AGBL1: variants seen among roughly 807,000 people sequenced by gnomAD.
The protein encoded by AGBL1 is cytosolic carboxypeptidase 4.
A neutral mutation model predicts 118.9 loss-of-function variants in AGBL1; 130 were observed. The observed-to-expected ratio is 1.09, with a 90% confidence interval of 0.95 to 1.26. AGBL1 has a LOEUF of 1.26. AGBL1 is among the 50% of genes most tolerant of loss of function. The pLI, the probability that AGBL1 is intolerant of heterozygous loss-of-function variation, is 0.00. For missense variants in AGBL1, 1,584 were observed against 1,298.1 expected, an observed-to-expected ratio of 1.22 and a Z score of -3.38; for synonymous variants, 555 against 478.9, an observed-to-expected ratio of 1.16 and a Z score of -2.08.
intron 22 of AGBL1, among the ~76,000 whole-genome samples, chr15:86,895,909 C>G (rs1480593471): frequency 6.6e-6 from 1 of 151,460 alleles, no homozygotes; most frequent in Non-Finnish European, 1.5e-5. Context: ...CTATTTTTTT[C>G]TGGTTTCTAG....
chr15:86,561,348 AG>A (rs1253771879), intron 21 of AGBL1, among the ~76,000 whole-genome samples: 1 of 152,144 alleles, frequency 6.6e-6, no homozygotes, highest in African/African-American at 2.4e-5. Flanking sequence ...GGTGTAAGGA[AG>A]GGATCCAGTT....
chr15:86,791,444 C>T (rs549027161), intron 22 of AGBL1, among the ~76,000 whole-genome samples: 3 of 152,062 alleles, frequency 2.0e-5, no homozygotes, highest in East Asian at 1.9e-4. Context: ...AGCAGGTGCT[C>T]GGTAAATGCC....
intron 20 of AGBL1, 114 bp downstream of exon 20, chr15:86,546,247 A>G (rs2083580463): frequency 1.7e-6 from 2 of 1,168,184 alleles, no homozygotes; most frequent in Middle Eastern, 2.9e-4. Flanking sequence ...GTAAATAAGC[A>G]TTTTAATTAT....
At chr15:86,134,485 A>G (rs549924350) in intron 1 of AGBL1, among the ~76,000 whole-genome samples, 9 of 150,706 alleles carry the variant, frequency 6.0e-5, no homozygotes, top group Admixed American at 1.3e-4. Flanking sequence ...GTGCGAGGGG[A>G]TGGACTGTTT....
intron 6 of AGBL1, among the ~76,000 whole-genome samples, chr15:86,240,033 TG>T (rs1180969407): frequency 6.6e-6 from 1 of 152,220 alleles, no homozygotes; most frequent in Non-Finnish European, 1.5e-5. Flanking sequence ...GAGGCTACCA[TG>T]GGATATTAAC....
At chr15:86,607,799 T>C (rs79263259) in intron 21 of AGBL1, among the ~76,000 whole-genome samples, 3,989 of 152,310 alleles carry the variant, frequency 0.026, 109 homozygotes, top group East Asian at 0.13. Context: ...CTTTGCTTTT[T>C]TGATTTCTGA....
rs139148216 is a variant in AGBL1 at position 86,924,308 on chromosome 15, G to A, written c.3222-63679G>A. 1.3e-3 allele frequency among the ~76,000 whole-genome samples: 205 copies of A among 152,350 alleles called. 1 individual carries two copies. The highest frequency in any genetic ancestry group is 4.7e-3 in the African/African-American group (196 of 41,580). ...ATGGTCTTATTGGCAAGGACATAGAGAATTTTTAATCCCATTTAGGGTAGA... is the reference window on the plus strand; with the variant it reads ...ATGGTCTTATTGGCAAGGACATAGAAAATTTTTAATCCCATTTAGGGTAGA... On this transcript the variant is annotated intron_variant, in intron 23 of 24. Transcript: ENST00000441037.
At chr15:87,013,069 ATT>A (rs2081576976) in intron 24 of AGBL1, among the ~76,000 whole-genome samples, 2 of 152,184 alleles carry the variant, frequency 1.3e-5, no homozygotes, top group Admixed American at 6.5e-5. Flanking sequence ...TGTAGCCTGA[ATT>A]AGTTTAACAT....
chr15:86,171,192 A>G (rs1002559802), intron 5 of AGBL1, among the ~76,000 whole-genome samples: 7 of 152,250 alleles, frequency 4.6e-5, no homozygotes, highest in Non-Finnish European at 1.0e-4. Flanking sequence ...AGATGTATCT[A>G]TTCAAAAGAC....
intron 19 of AGBL1, among the ~76,000 whole-genome samples, 192 bp from the exon 20 acceptor site, chr15:86,545,810 A>G (rs911189338): frequency 3.9e-5 from 6 of 152,164 alleles, no homozygotes; most frequent in Non-Finnish European, 7.3e-5. Flanking sequence ...CTCCATCGAT[A>G]CAATCAATGC....
intron 22 of AGBL1, among the ~76,000 whole-genome samples, chr15:86,859,731 G>A (rs556665761): frequency 1.3e-5 from 2 of 152,304 alleles, no homozygotes; most frequent in African/African-American, 4.8e-5. Context: ...AAGTGTTCAT[G>A]TGTGGTGGGG....
chr15:86,494,609 G>T (rs923958919), intron 18 of AGBL1, among the ~76,000 whole-genome samples: 2 of 151,904 alleles, frequency 1.3e-5, no homozygotes, highest in Non-Finnish European at 2.9e-5. Context: ...ATCACCTACC[G>T]ATCAGGCTCA....
At chr15:86,147,739 T>C (rs1048352397) in intron 3 of AGBL1, among the ~76,000 whole-genome samples, 2 of 152,148 alleles carry the variant, frequency 1.3e-5, no homozygotes, top group Non-Finnish European at 2.9e-5. Flanking sequence ...GTCTGACAAC[T>C]CTGAAGAGAG....
intron 6 of AGBL1, among the ~76,000 whole-genome samples, chr15:86,247,196 A>G (rs1051536053): frequency 6.6e-6 from 1 of 152,260 alleles, no homozygotes; most frequent in Admixed American, 6.5e-5. Context: ...TAGCAAAAGA[A>G]AAAATTGTTT....
At chr15:86,245,082 A>G (rs2078699184) in intron 6 of AGBL1, among the ~76,000 whole-genome samples, 1 of 152,190 alleles carries the variant, frequency 6.6e-6, no homozygotes. Context: ...AAAAAAACAA[A>G]CAAACAAACA....
At chr15:86,750,429 G>A (rs1035432301) in intron 22 of AGBL1, among the ~76,000 whole-genome samples, 1 of 151,722 alleles carries the variant, frequency 6.6e-6, no homozygotes, top group Non-Finnish European at 1.5e-5. Flanking sequence ...CAATAACACC[G>A]AACTCCCTTT....
intron 17 of AGBL1, among the ~76,000 whole-genome samples, chr15:86,321,023 T>C (rs1168595555): frequency 6.6e-6 from 1 of 152,214 alleles, no homozygotes; most frequent in Non-Finnish European, 1.5e-5. Flanking sequence ...AGGATTTGCA[T>C]ATATATTCAA....
intron 22 of AGBL1, among the ~76,000 whole-genome samples, chr15:86,682,999 C>G (rs1321857490): frequency 4.6e-5 from 7 of 152,102 alleles, no homozygotes; most frequent in African/African-American, 1.4e-4. Context: ...GCATTTGAAT[C>G]TACTTTTGCC....
At chr15:86,168,541 A>C (rs1411021137) in intron 5 of AGBL1, among the ~76,000 whole-genome samples, 1 of 152,224 alleles carries the variant, frequency 6.6e-6, no homozygotes, top group African/African-American at 2.4e-5. Context: ...TATTATTTAT[A>C]ATTGGAAATA....
Sources: allele counts gnomAD v4.1 joint callset (sites outside exome capture counted in the v4.1 genomes callset), GRCh38; gene constraint gnomAD v4.1.1; transcripts MANE v1.5; gene names NCBI Gene and HGNC (gene_info 2026-07-23, HGNC 2026-07-21).